LRRC37A2: variants seen among roughly 807,000 people sequenced by gnomAD.
LRRC37A2 encodes leucine rich repeat containing 37 member A2, also known as leucine-rich repeat-containing protein 37A2.
A neutral mutation model predicts 68.8 loss-of-function variants in LRRC37A2; 9 were observed. The ratio of observed to expected loss-of-function variants is 0.13; its 90% confidence interval spans 0.08 to 0.23. LRRC37A2 has a LOEUF of 0.23. Ranked by LOEUF, LRRC37A2 falls within the 10% of genes least tolerant of loss-of-function variation. The probability of loss-of-function intolerance (pLI) is 1.00; values close to 1 mark genes in which losing one functional copy is unlikely to be tolerated. For missense variants in LRRC37A2, 168 were observed against 950.4 expected (o/e 0.18, Z 10.82); for synonymous variants, 63 against 367.6 (o/e 0.17, Z 9.48).
chr17:47,029,485 C>T, the LRRC37A2 span, among the ~76,000 whole-genome samples: 7 of 152,146 alleles, frequency 4.6e-5, no homozygotes, highest in Non-Finnish European at 1.0e-4. Context: ...GACTTTCCAC[C>T]TGCCTTGTGG....
At chr17:46,866,513 G>A in the LRRC37A2 span, among the ~76,000 whole-genome samples, 4 of 151,998 alleles carry the variant, frequency 2.6e-5, no homozygotes, top group African/African-American at 4.8e-5. Context: ...TGAGGGCCAG[G>A]AGAGGTAGAC....
the LRRC37A2 span, among the ~76,000 whole-genome samples, chr17:46,737,557 C>G: frequency 1.4e-5 from 2 of 138,538 alleles, no homozygotes; most frequent in Non-Finnish European, 3.1e-5. Flanking sequence ...AATTTGTTCA[C>G]CTAGGGTGTG....
At chr17:46,774,526 T>C in the LRRC37A2 span, among the ~76,000 whole-genome samples, 27 of 152,338 alleles carry the variant, frequency 1.8e-4, no homozygotes, top group Non-Finnish European at 2.9e-4. Flanking sequence ...TAGAAGTTTC[T>C]AGAGCTCCAC....
chr17:46,987,141 G>A, the LRRC37A2 span, among the ~76,000 whole-genome samples: 1 of 152,144 alleles, frequency 6.6e-6, no homozygotes, highest in Admixed American at 6.5e-5. Flanking sequence ...TACTCAGGAG[G>A]CTGAGGAAGG....
the LRRC37A2 span, among the ~76,000 whole-genome samples, chr17:46,779,255 C>A: frequency 6.6e-6 from 1 of 152,220 alleles, no homozygotes; most frequent in Non-Finnish European, 1.5e-5. Flanking sequence ...ACACACAGGA[C>A]AAGACTCCTT....
chr17:46,773,618 ATCCCTCCCCCCACCCAG>A, the LRRC37A2 span: 2 of 465,222 alleles, frequency 4.3e-6, no homozygotes, highest in East Asian at 7.0e-5. Flanking sequence ...TACAGTCCTG[ATCCCTCCCCCCACCCAG>A]CCCCTCCCCC....
the LRRC37A2 span, among the ~76,000 whole-genome samples, chr17:46,974,659 G>A: frequency 1.3e-5 from 2 of 151,990 alleles, no homozygotes; most frequent in African/African-American, 2.4e-5. Flanking sequence ...GCGTGAACCC[G>A]GGAGGCAGAG....
the LRRC37A2 span, among the ~76,000 whole-genome samples, chr17:46,991,159 T>C: frequency 1.3e-5 from 2 of 152,208 alleles, no homozygotes; most frequent in African/African-American, 4.8e-5. Flanking sequence ...ACTATAGTCA[T>C]CATCTTCTGA....
At chr17:46,976,815 C>T in the LRRC37A2 span, among the ~76,000 whole-genome samples, 4 of 152,230 alleles carry the variant, frequency 2.6e-5, no homozygotes, top group African/African-American at 7.2e-5. Context: ...ACTGCACCAC[C>T]TACATGACGA....
the LRRC37A2 span, chr17:46,917,317 G>A: frequency 6.6e-6 from 1 of 152,210 alleles, no homozygotes; most frequent in Admixed American, 6.5e-5. Context: ...CTACAATGGT[G>A]GTACAGGCAT....
the LRRC37A2 span, among the ~76,000 whole-genome samples, chr17:46,974,653 G>C: frequency 6.6e-6 from 1 of 151,606 alleles, no homozygotes; most frequent in Non-Finnish European, 1.5e-5. Context: ...AGGATGGCGT[G>C]AACCCGGGAG....
the LRRC37A2 span, among the ~76,000 whole-genome samples, chr17:46,759,313 C>T: frequency 3.3e-5 from 5 of 152,190 alleles, no homozygotes; most frequent in Admixed American, 1.3e-4. Flanking sequence ...GCTGGCAAGC[C>T]GTACTGAGAC....
chr17:46,858,114 G>C, the LRRC37A2 span, among the ~76,000 whole-genome samples: 7 of 152,298 alleles, frequency 4.6e-5, no homozygotes, highest in East Asian at 1.9e-4. Context: ...ATTTGTAGTA[G>C]AGATAAGGTT....
the LRRC37A2 span, among the ~76,000 whole-genome samples, chr17:46,870,742 T>A: frequency 6.6e-6 from 1 of 152,150 alleles, no homozygotes; most frequent in African/African-American, 2.4e-5. Context: ...GGCAGGTGAC[T>A]CCAAAGAGGA....
At chr17:46,944,545 C>T in the LRRC37A2 span, among the ~76,000 whole-genome samples, 412 of 152,240 alleles carry the variant, frequency 2.7e-3, 1 homozygote, top group Non-Finnish European at 4.0e-3. Context: ...TTCTGGGCCT[C>T]GCTCCCCAGA....
At chr17:46,927,800 T>TTCC in the LRRC37A2 span, among the ~76,000 whole-genome samples, 1 of 152,156 alleles carries the variant, frequency 6.6e-6, no homozygotes, top group Non-Finnish European at 1.5e-5. Context: ...GGACAAGTCA[T>TTCC]TCCTCCCCCT....
the LRRC37A2 span, among the ~76,000 whole-genome samples, chr17:46,770,505 C>T: frequency 6.6e-6 from 1 of 152,090 alleles, no homozygotes; most frequent in Non-Finnish European, 1.5e-5. Flanking sequence ...GAATCTACAG[C>T]CTAAACCTGC....
the LRRC37A2 span, among the ~76,000 whole-genome samples, chr17:46,889,948 G>A: frequency 6.6e-6 from 1 of 152,164 alleles, no homozygotes; most frequent in African/African-American, 2.4e-5. Flanking sequence ...CAAATGCTTA[G>A]AATAATGCCT....
the LRRC37A2 span, chr17:46,851,764 C>A: frequency 2.0e-6 from 2 of 995,096 alleles, no homozygotes; most frequent in Non-Finnish European, 2.6e-6. The surrounding 1 kb of genome is among the most constrained non-coding windows in gnomAD (Gnocchi z 4.3). Flanking sequence ...GCCTGTCTCT[C>A]CCTCCTGCGC....
Sources: allele counts gnomAD v4.1 joint callset (sites outside exome capture counted in the v4.1 genomes callset), GRCh38; gene constraint gnomAD v4.1.1; non-coding constraint Gnocchi (gnomAD v3.1); transcripts MANE v1.5; gene names NCBI Gene and HGNC (gene_info 2026-07-23, HGNC 2026-07-21).